Variants in GMEB2 observed in about 807,000 individuals in gnomAD.
GMEB2 encodes the protein glucocorticoid modulatory element binding protein 2.
GMEB2 carries 7 observed loss-of-function variants against 45.7 expected under a neutral mutation model. That is an observed-to-expected ratio of 0.15 (90% confidence interval 0.09 to 0.29). The LOEUF is 0.29. Among genes scored for constraint, GMEB2 ranks in the 10% least tolerant of loss-of-function variants. The pLI is 1.00. For synonymous variants in GMEB2, 322 were observed against 323.6 expected (o/e 1.00, Z 0.05); for missense variants, 582 against 739.2 (o/e 0.79, Z 2.47).
chr20:63,606,171 G>C (rs977769194), intron 2 of GMEB2, among the ~76,000 whole-genome samples: 11 of 152,028 alleles, frequency 7.2e-5, no homozygotes, highest in Non-Finnish European at 1.0e-4. Flanking sequence ...GTAGACAAAA[G>C]GGTAAAAGAT....
chr20:63,623,071 C>G (rs2089649825), intron 1 of GMEB2, among the ~76,000 whole-genome samples: 1 of 152,166 alleles, frequency 6.6e-6, no homozygotes, highest in African/African-American at 2.4e-5. Context: ...AACACAAGCA[C>G]TAAGGACTAA....
intron 3 of GMEB2, among the ~76,000 whole-genome samples, chr20:63,604,285 G>T (rs1479667583): frequency 6.6e-6 from 1 of 152,094 alleles, no homozygotes. Flanking sequence ...GGCTGAGGTA[G>T]GAGGATCATC....
intron 1 of GMEB2, among the ~76,000 whole-genome samples, chr20:63,623,830 G>A (rs559221185): frequency 6.6e-6 from 1 of 151,770 alleles, no homozygotes; most frequent in Admixed American, 6.6e-5. Context: ...ATTTTACTCA[G>A]GCCAGGTGTG....
At chr20:63,621,539 C>T (rs899311174) in intron 1 of GMEB2, among the ~76,000 whole-genome samples, 1 of 151,808 alleles carries the variant, frequency 6.6e-6, no homozygotes, top group African/African-American at 2.4e-5. Context: ...TGGTGGCAGG[C>T]ACCTGTAGTC....
chr20:63,595,948 C>G (rs1324892171), intron 5 of GMEB2, among the ~76,000 whole-genome samples, 181 bp from the exon 6 acceptor site: 2 of 152,238 alleles, frequency 1.3e-5, no homozygotes, highest in Non-Finnish European at 2.9e-5. Context: ...CAGGACCCTG[C>G]TGCTGAAGAA....
rs2083165039 is a variant in GMEB2 at position 63,593,178 on chromosome 20, T to C, written c.620-96A>G. The C allele has an allele frequency of 4.1e-6, 3 of 734,342 alleles. No homozygotes were observed. Among genetic ancestry groups the C allele is most frequent in the South Asian group, 1.5e-5 (1 of 66,602 alleles). 45.5% of individuals were successfully genotyped at this position (734,342 alleles called of 1,614,324 possible). A position where few individuals can be genotyped will look rare whatever the true frequency, so the allele number is the denominator to read the frequency against. Reference sequence around the variant, plus strand: ...CCCTCCTCACACCACCTTCTGAACCTTTCCATCTGTCTTCACAAAACTGAC... The same window carrying C: ...CCCTCCTCACACCACCTTCTGAACCCTTCCATCTGTCTTCACAAAACTGAC... On this transcript the variant is annotated intron_variant, in intron 6 of 9. Transcript: ENST00000370077. The surrounding 1 kb of genome is among the most constrained non-coding windows in gnomAD (Gnocchi z 4.7).
rs748595394 is a variant in GMEB2, at chr20:63,590,144, T to C, written c.1538A>G (p.Glu513Gly). The change falls in exon 10 of 10, where the codon GAG becomes GGG. Residue 513 changes from glutamate (E) to glycine (G), a missense_variant. Coordinates refer to ENST00000370077, the MANE Select transcript of GMEB2 (RefSeq NM_012384.5). ...AGCCACCTCAATGGTGGCCGTGTGC[T>C]CCTCAGGCCCGGGGGCAGCCCCTGC... is the stretch of plus-strand genomic sequence containing the variant. ...VPAGAAPGPE[E>G]HTATIEVAAM... 4.5e-6 allele frequency: 7 copies of C among 1,555,832 alleles called. No homozygotes were observed. The highest frequency in any genetic ancestry group is 1.7e-4 in the Middle Eastern group (1 of 5,800).
intron 2 of GMEB2, among the ~76,000 whole-genome samples, chr20:63,617,761 C>T (rs963713921): frequency 6.6e-6 from 1 of 151,996 alleles, no homozygotes; most frequent in Non-Finnish European, 1.5e-5. Flanking sequence ...CCCCGGCAGC[C>T]GCGGCCACGG....
intron 2 of GMEB2, among the ~76,000 whole-genome samples, chr20:63,618,287 G>A (rs2089623147): frequency 6.6e-6 from 1 of 152,202 alleles, no homozygotes; most frequent in Admixed American, 6.5e-5. Flanking sequence ...GGATGAGACA[G>A]GGGAGGACAG....
At chr20:63,625,890 C>G (rs2089667850) in intron 1 of GMEB2, among the ~76,000 whole-genome samples, 1 of 152,186 alleles carries the variant, frequency 6.6e-6, no homozygotes, top group East Asian at 1.9e-4. Context: ...GCCATCACAC[C>G]TGGCCCAAGA....
intron 2 of GMEB2, among the ~76,000 whole-genome samples, chr20:63,607,222 ATGCCCCTC>A (rs2089527250): frequency 7.0e-6 from 1 of 143,532 alleles, no homozygotes; most frequent in African/African-American, 2.6e-5. Context: ...TTCTAGAAAC[ATGCCCCTC>A]TGACCCACCT....
chr20:63,599,057 TGGCTCCA>T (rs2083221401), intron 4 of GMEB2, among the ~76,000 whole-genome samples: 1 of 152,180 alleles, frequency 6.6e-6, no homozygotes, highest in South Asian at 2.1e-4. Context: ...CTCTCATGAG[TGGCTCCA>T]GGAGCTTCAG....
chr20:63,627,014 G>T lies in GMEB2; in HGVS notation c.-116C>A. 1.3e-5 allele frequency: 2 copies of T among 149,564 alleles called. No individual in the cohort carries two copies. The highest frequency in any genetic ancestry group is 2.9e-5 in the Non-Finnish European group (2 of 67,894). The allele number at this position is 149,564 out of a possible 1,614,324, so 9.3% of individuals were successfully genotyped here. On this transcript the variant is annotated 5_prime_UTR_variant, in exon 1 of 10. Transcript: ENST00000370077. ...CGGGGGCGGCGGCGTCGGGAGCTGCGGCGGCGGCGGGCGGCGGCGGCGGCC... is the reference window on the plus strand; with the variant it reads ...CGGGGGCGGCGGCGTCGGGAGCTGCTGCGGCGGCGGGCGGCGGCGGCGGCC...
At chr20:63,606,371 G>A (rs367999916) in intron 2 of GMEB2, among the ~76,000 whole-genome samples, 6 of 132,454 alleles carry the variant, frequency 4.5e-5, no homozygotes, top group Admixed American at 8.0e-5. Flanking sequence ...TTTTTGAGAC[G>A]GAGTCTCGCT....
chr20:63,599,442 T>C (rs1186522844), intron 4 of GMEB2, among the ~76,000 whole-genome samples: 1 of 152,232 alleles, frequency 6.6e-6, no homozygotes, highest in African/African-American at 2.4e-5. Flanking sequence ...CCTTCCATCA[T>C]GATCTGCTGG....
intron 2 of GMEB2, among the ~76,000 whole-genome samples, chr20:63,614,405 T>C (rs985154736): frequency 6.6e-6 from 1 of 152,212 alleles, no homozygotes. Flanking sequence ...GAGGGCTCCT[T>C]GGTCTAGCGG....
chr20:63,607,269 C>CA (rs201048604), intron 2 of GMEB2, among the ~76,000 whole-genome samples: 16 of 118,206 alleles, frequency 1.4e-4, no homozygotes, highest in East Asian at 6.6e-4. Flanking sequence ...CCCTCTGACC[C>CA]CACATCCATT....
intron 4 of GMEB2, among the ~76,000 whole-genome samples, chr20:63,602,347 C>G (rs947606342): frequency 3.3e-5 from 5 of 152,136 alleles, no homozygotes; most frequent in African/African-American, 7.2e-5. Context: ...TTGGAAGGGA[C>G]AGTCACCACC....
chr20:63,624,683 G>A (rs532607841), intron 1 of GMEB2, among the ~76,000 whole-genome samples: 1 of 152,298 alleles, frequency 6.6e-6, no homozygotes, highest in Non-Finnish European at 1.5e-5. Flanking sequence ...CTGAATTCCA[G>A]CCTCTCCATT....
Sources: allele counts gnomAD v4.1 joint callset (sites outside exome capture counted in the v4.1 genomes callset), GRCh38; gene constraint gnomAD v4.1.1; non-coding constraint Gnocchi (gnomAD v3.1); transcripts MANE v1.5; gene names NCBI Gene and HGNC (gene_info 2026-07-23, HGNC 2026-07-21).